The following PPP2R2B variants were observed in gnomAD, a reference collection of about 807,000 sequenced individuals.
The protein encoded by PPP2R2B is serine/threonine-protein phosphatase 2A 55 kDa regulatory subunit B beta isoform.
PPP2R2B carries 5 observed loss-of-function variants against 46.0 expected under a neutral mutation model. That is an observed-to-expected ratio of 0.11 (90% CI 0.06 to 0.23). The LOEUF (loss-of-function observed/expected upper bound fraction) is 0.23. PPP2R2B is among the 10% of genes least tolerant of loss of function. The pLI, the probability that PPP2R2B is intolerant of heterozygous loss-of-function variation, is 1.00. For synonymous variants in PPP2R2B, 215 were observed against 206.7 expected (o/e 1.04, Z -0.34); for missense variants, 367 against 575.0 (o/e 0.64, Z 3.70).
intron 2 of PPP2R2B, among the ~76,000 whole-genome samples, chr5:146,767,286 A>G (rs889909025): frequency 3.3e-5 from 5 of 152,104 alleles, no homozygotes; most frequent in Admixed American, 2.0e-4. Context: ...TCACAGACAC[A>G]TCAGTCATTT....
At chr5:146,908,895 G>A (rs940007680) in intron 1 of PPP2R2B, among the ~76,000 whole-genome samples, 2 of 151,760 alleles carry the variant, frequency 1.3e-5, no homozygotes, top group Non-Finnish European at 2.9e-5. Flanking sequence ...TCAAACTCTT[G>A]GGCTCAAGTG....
intron 1 of PPP2R2B, among the ~76,000 whole-genome samples, chr5:146,923,273 A>C (rs1236048430): frequency 6.6e-6 from 1 of 152,180 alleles, no homozygotes; most frequent in Admixed American, 6.5e-5. Context: ...CAGAGGTCTG[A>C]AGGACCAGAG....
intron 2 of PPP2R2B, among the ~76,000 whole-genome samples, chr5:146,838,737 G>T (rs1030296738): frequency 6.6e-6 from 1 of 152,108 alleles, no homozygotes; most frequent in African/African-American, 2.4e-5. Context: ...TGATTAATAG[G>T]TACGAATTTG....
chr5:146,777,986 T>C (rs1755291858), intron 2 of PPP2R2B, among the ~76,000 whole-genome samples: 2 of 152,206 alleles, frequency 1.3e-5, no homozygotes, highest in African/African-American at 2.4e-5. Flanking sequence ...AAGGAATTTA[T>C]ACACATGGCA....
chr5:146,872,506 T>G (rs550059033), intron 2 of PPP2R2B, among the ~76,000 whole-genome samples: 2 of 152,310 alleles, frequency 1.3e-5, no homozygotes, highest in Non-Finnish European at 2.9e-5. Context: ...TCCCAGCATC[T>G]TCATATCAAA....
At position 146,819,819 on chromosome 5, in the gene PPP2R2B, T is replaced by C. The variant is rs1236114285; in HGVS notation, c.70+58183A>G. On this transcript the variant is annotated intron_variant, in intron 2 of 9. Coordinates refer to ENST00000394411, the MANE Select transcript of PPP2R2B (RefSeq NM_181675.4). Reference sequence around the variant, plus strand: ...TGTCAAAGAGATATCTGCACTCCCATGTTTACTGCAACTCCATTCACAATA... The same window carrying C: ...TGTCAAAGAGATATCTGCACTCCCACGTTTACTGCAACTCCATTCACAATA... 2.0e-5 allele frequency among the ~76,000 whole-genome samples: 3 copies of C among 152,210 alleles called. No homozygotes were observed. In the East Asian group the frequency reaches 5.8e-4, roughly 29 times the overall value.
At chr5:146,906,948 C>A (rs538506337) in intron 1 of PPP2R2B, among the ~76,000 whole-genome samples, 10 of 152,130 alleles carry the variant, frequency 6.6e-5, no homozygotes, top group Non-Finnish European at 1.3e-4. Context: ...AGAAGACCAG[C>A]CGAGTTACAC....
At chr5:146,763,395 G>A (rs568834707) in intron 2 of PPP2R2B, among the ~76,000 whole-genome samples, 2 of 152,220 alleles carry the variant, frequency 1.3e-5, no homozygotes, top group South Asian at 4.1e-4. Context: ...TGAGCCTCTG[G>A]TTTCTTGTTT....
intron 1 of PPP2R2B, among the ~76,000 whole-genome samples, chr5:146,908,768 C>T (rs560398438): frequency 1.1e-4 from 16 of 148,468 alleles, no homozygotes; most frequent in Admixed American, 7.3e-4. Flanking sequence ...CTTCTTTCTT[C>T]CTTTCCCGCC....
At chr5:146,655,220 C>A (rs1045730299) in intron 5 of PPP2R2B, among the ~76,000 whole-genome samples, 16 of 152,152 alleles carry the variant, frequency 1.1e-4, no homozygotes, top group African/African-American at 3.4e-4. Flanking sequence ...CCTGGACACC[C>A]AGTATTATAT....
chr5:146,823,513 G>A (rs930776349), intron 2 of PPP2R2B, among the ~76,000 whole-genome samples: 5 of 151,812 alleles, frequency 3.3e-5, no homozygotes, highest in East Asian at 1.9e-4. Flanking sequence ...TTACTTAGAC[G>A]GCACACCACA....
rs553567729 is a variant in PPP2R2B at position 146,969,102 on chromosome 5, G to T, written c.79+86563C>A. On this transcript the variant is annotated intron_variant, in intron 1 of 8. Transcript: ENST00000336640. Reference sequence around the variant, plus strand: ...AAGTTCACAGTTGAGTTGGGGAAAAGCTCTCATAGTATGAACTGCTTTGTA... The same window carrying T: ...AAGTTCACAGTTGAGTTGGGGAAAATCTCTCATAGTATGAACTGCTTTGTA... 7.9e-5 allele frequency among the ~76,000 whole-genome samples: 12 copies of T among 152,322 alleles called. No individual in the cohort carries two copies. The South Asian group carries it at 2.5e-3, about 32-fold the overall frequency.
rs573682337 is a variant in PPP2R2B, at chr5:146,791,842, C to A, written c.70+86160G>T. Among the ~76,000 whole-genome samples, 5 of 152,308 alleles carry A rather than the reference C, an allele frequency of 3.3e-5. No homozygotes were observed. In the East Asian group the frequency reaches 9.7e-4, roughly 29 times the overall value. The stretch of plus-strand genomic sequence containing the variant: ...ATTCTTTTCTTCTTCTGCCAATAAT[C>A]CCCTGACTTTCCCTTTTCTTATCCT... On this transcript the variant is annotated intron_variant, in intron 2 of 9. Transcript: ENST00000394411.
chr5:146,885,734 C>T (rs1312286817), intron 1 of PPP2R2B, among the ~76,000 whole-genome samples: 1 of 152,140 alleles, frequency 6.6e-6, no homozygotes, highest in African/African-American at 2.4e-5. Context: ...TGTCCATCAA[C>T]TGATAGATGG....
At chr5:147,005,944 T>A (rs982344512) in intron 1 of PPP2R2B, among the ~76,000 whole-genome samples, 1 of 152,222 alleles carries the variant, frequency 6.6e-6, no homozygotes, top group African/African-American at 2.4e-5. Flanking sequence ...CAATACCACC[T>A]TGTTGTCAGT....
chr5:146,677,672 T>A (rs1017032416), intron 5 of PPP2R2B, among the ~76,000 whole-genome samples: 1 of 151,844 alleles, frequency 6.6e-6, no homozygotes, highest in Admixed American at 6.6e-5. Flanking sequence ...GGACTGCAAG[T>A]GTGCACCACC....
chr5:146,856,478 T>A, intron 2 of PPP2R2B: 2 of 1,520,008 alleles, frequency 1.3e-6, no homozygotes, highest in South Asian at 2.2e-5. Context: ...GAAGAGTAGG[T>A]ATAAATAATA....
intron 1 of PPP2R2B, among the ~76,000 whole-genome samples, chr5:146,900,574 C>CCTTA (rs1762798996): frequency 2.1e-5 from 3 of 141,192 alleles, no homozygotes; most frequent in Admixed American, 7.2e-5. Flanking sequence ...TTCCTTCCTT[C>CCTTA]CTTCCTTCCT....
intron 2 of PPP2R2B, among the ~76,000 whole-genome samples, chr5:146,734,631 G>A (rs1353446724): frequency 6.6e-6 from 1 of 151,962 alleles, no homozygotes; most frequent in Non-Finnish European, 1.5e-5. Flanking sequence ...CCCACCCCCT[G>A]GCCATGCTTC....
Sources: gnomAD v4.1 joint callset for allele counts (sites outside exome capture counted in the v4.1 genomes callset) on GRCh38, gnomAD v4.1.1 for gene constraint, MANE v1.5 for transcripts, NCBI Gene and HGNC (gene_info 2026-07-23, HGNC 2026-07-21) for gene names.